TLCD4: variants seen among roughly 807,000 people sequenced by gnomAD.
TLCD4 encodes the protein TLC domain containing 4.
In TLCD4, 7 loss-of-function variants were observed where a neutral mutation model predicts 24.2. That is an observed-to-expected ratio of 0.29 (90% CI 0.16 to 0.54). The LOEUF (loss-of-function observed/expected upper bound fraction) is 0.54. TLCD4 is among the 20% of genes least tolerant of loss of function. TLCD4 has a pLI of 0.95. For synonymous variants in TLCD4, 103 were observed against 106.4 expected (o/e 0.97, Z 0.20); for missense variants, 259 against 313.9 (o/e 0.82, Z 1.32).
upstream of TLCD4, among the ~76,000 whole-genome samples, chr1:95,115,209 C>A (rs1486458441): frequency 6.6e-6 from 1 of 151,524 alleles, no homozygotes; most frequent in Non-Finnish European, 1.5e-5. Context: ...CAGGTTCAAG[C>A]GATTTTCCTA....
intron 6 of TLCD4, among the ~76,000 whole-genome samples, chr1:95,188,767 T>C (rs990983479): frequency 6.6e-6 from 1 of 152,188 alleles, no homozygotes; most frequent in Admixed American, 6.5e-5. Context: ...TAAATGATAC[T>C]CTAACAGGTT....
the TLCD4 span, among the ~76,000 whole-genome samples, chr1:95,094,076 C>A: frequency 6.6e-6 from 1 of 152,120 alleles, no homozygotes; most frequent in African/African-American, 2.4e-5. Context: ...CCTTAAGAAG[C>A]CTTGCTCTCA....
At chr1:95,166,123 T>C (rs926348180) in intron 5 of TLCD4, among the ~76,000 whole-genome samples, 3 of 152,166 alleles carry the variant, frequency 2.0e-5, no homozygotes, top group Non-Finnish European at 2.9e-5. Flanking sequence ...TTTGGAACTT[T>C]TGAATAGCAG....
At chr1:95,156,962 A>G (rs577973823) in intron 5 of TLCD4, among the ~76,000 whole-genome samples, 1 of 152,312 alleles carries the variant, frequency 6.6e-6, no homozygotes, top group Non-Finnish European at 1.5e-5. Flanking sequence ...GATCAGGCAA[A>G]GGATAACTCG....
At chr1:95,175,781 CT>C (rs893892124) in intron 6 of TLCD4, among the ~76,000 whole-genome samples, 95 of 145,244 alleles carry the variant, frequency 6.5e-4, no homozygotes, top group Non-Finnish European at 5.6e-4. Context: ...CTTTTCTTTT[CT>C]TTTTTTTTTT....
intron 6 of TLCD4, among the ~76,000 whole-genome samples, chr1:95,180,237 G>A (rs368990221): frequency 1.7e-4 from 26 of 152,254 alleles, no homozygotes; most frequent in East Asian, 5.8e-4. Flanking sequence ...ACACTAATAG[G>A]CACCTCCATT....
chr1:95,176,178 A>C (rs1678418405), intron 6 of TLCD4, among the ~76,000 whole-genome samples: 1 of 148,826 alleles, frequency 6.7e-6, no homozygotes, highest in African/African-American at 2.5e-5. Context: ...TGCCTGTTCA[A>C]GTTCTTTGCC....
At chr1:95,182,310 C>A (rs1176776011) in intron 6 of TLCD4, among the ~76,000 whole-genome samples, 2 of 150,018 alleles carry the variant, frequency 1.3e-5, no homozygotes, top group East Asian at 3.9e-4. Flanking sequence ...TGTGGAAGAA[C>A]CTGGTAGTTT....
In TLCD4 at chr1:95,117,588, G is replaced by T. The variant is rs1676459539; in HGVS notation, c.-41G>T. On this transcript the variant is annotated 5_prime_UTR_variant, in exon 1 of 7. Transcript: ENST00000370203. ...TCCCGGCTCGGCGCAGCCGCCGCCC[G>T]CGCGCGACTCGCCCCGGGACCCGGC... 6.5e-6 allele frequency: 1 copy of T among 153,630 alleles called. No homozygotes were observed. Among genetic ancestry groups the T allele is most frequent in the Non-Finnish European group, 1.4e-5 (1 of 69,298 alleles). The allele number at this position is 153,630 out of a possible 1,614,324, so 9.5% of individuals were successfully genotyped here.
chr1:95,191,482 CTAAAA>C, intron 6 of TLCD4, 63 bp from the exon 7 acceptor site: 1 of 1,520,614 alleles, frequency 6.6e-7, no homozygotes, highest in African/African-American at 1.4e-5. Flanking sequence ...AATTTAAAAA[CTAAAA>C]TAAAAATGGT....
chr1:95,170,222 G>A lies in TLCD4; in HGVS notation c.400-3594G>A, dbSNP rs571576490. On this transcript the variant is annotated intron_variant, in intron 5 of 6. Coordinates refer to ENST00000370203, the MANE Select transcript of TLCD4 (RefSeq NM_152487.3). ...GAGAAAGTCAGTGTTATGAATGAGA[G>A]AAATTATCCTTAAGGAATAAAAAGT... Among the ~76,000 whole-genome samples the A allele has an allele frequency of 4.2e-4, 64 of 151,602 alleles. 1 individual carries two copies. The highest frequency in any genetic ancestry group is 1.4e-3 in the African/African-American group (59 of 41,322).
chr1:95,100,229 A>G, the TLCD4 span, among the ~76,000 whole-genome samples: 4 of 152,204 alleles, frequency 2.6e-5, no homozygotes, highest in African/African-American at 9.6e-5. Flanking sequence ...AACACACTCA[A>G]AGTCATATAG....
intron 1 of TLCD4, among the ~76,000 whole-genome samples, chr1:95,129,973 C>T (rs1676842491): frequency 6.6e-6 from 1 of 152,094 alleles, no homozygotes. Flanking sequence ...ACATTTTCTT[C>T]ATATTATCCT....
At chr1:95,123,908 A>G (rs1193406164) in intron 1 of TLCD4, among the ~76,000 whole-genome samples, 1 of 152,208 alleles carries the variant, frequency 6.6e-6, no homozygotes, top group Non-Finnish European at 1.5e-5. Flanking sequence ...ATTCATTGGC[A>G]TACTGCTTAT....
the TLCD4 span, among the ~76,000 whole-genome samples, chr1:95,101,812 T>C: frequency 6.6e-6 from 1 of 152,296 alleles, no homozygotes; most frequent in East Asian, 1.9e-4. Context: ...TTCTCAGCCT[T>C]AACTAGGAAA....
At chr1:95,184,245 C>T (rs1330304542) in intron 6 of TLCD4, among the ~76,000 whole-genome samples, 3 of 152,078 alleles carry the variant, frequency 2.0e-5, no homozygotes, top group African/African-American at 7.2e-5. Context: ...TATCTTGACC[C>T]CACAGCTTTC....
intron 1 of TLCD4, among the ~76,000 whole-genome samples, chr1:95,125,302 C>A (rs1557677376): frequency 6.6e-6 from 1 of 152,130 alleles, no homozygotes; most frequent in Non-Finnish European, 1.5e-5. Flanking sequence ...TGCACATCAC[C>A]TTACTAAGCT....
At chr1:95,157,922 G>A (rs752709102) in intron 5 of TLCD4, among the ~76,000 whole-genome samples, 2 of 152,230 alleles carry the variant, frequency 1.3e-5, no homozygotes, top group South Asian at 2.1e-4. Flanking sequence ...CTCTTGATAC[G>A]AGGAACATTT....
chr1:95,152,954 T>A (rs12755326), intron 5 of TLCD4, among the ~76,000 whole-genome samples: 23,433 of 152,176 alleles, frequency 0.15, 1,961 homozygotes, highest in Non-Finnish European at 0.18. Flanking sequence ...AATCACTTCT[T>A]TCTCCAATTA....
Sources: gnomAD v4.1 joint callset for allele counts (sites outside exome capture counted in the v4.1 genomes callset) on GRCh38, gnomAD v4.1.1 for gene constraint, MANE v1.5 for transcripts, NCBI Gene and HGNC (gene_info 2026-07-23, HGNC 2026-07-21) for gene names.